PPP2R5C: variants seen among roughly 807,000 people sequenced by gnomAD.
PPP2R5C encodes the protein protein phosphatase 2 regulatory subunit B'gamma.
A neutral mutation model predicts 68.9 loss-of-function variants in PPP2R5C; 7 were observed. That is an observed-to-expected ratio of 0.10 (90% confidence interval 0.06 to 0.19). PPP2R5C has a LOEUF of 0.19. Among genes scored for constraint, PPP2R5C ranks in the 10% least tolerant of loss-of-function variants. The probability of loss-of-function intolerance (pLI) is 1.00; values close to 1 mark genes in which losing one functional copy is unlikely to be tolerated. For synonymous variants in PPP2R5C, 210 were observed against 222.2 expected (o/e 0.95, Z 0.49); for missense variants, 348 against 641.3 (o/e 0.54, Z 4.94).
chr14:101,919,981 A>AC (rs1566972784), intron 13 of PPP2R5C, among the ~76,000 whole-genome samples: 1 of 140,620 alleles, frequency 7.1e-6, no homozygotes, highest in East Asian at 2.1e-4. Flanking sequence ...AAAAAAAAAA[A>AC]AAAAAAAAAA....
intron 8 of PPP2R5C, among the ~76,000 whole-genome samples, chr14:101,900,473 G>A (rs551784942): frequency 3.3e-5 from 5 of 152,318 alleles, no homozygotes; most frequent in South Asian, 2.1e-4. Context: ...GAAGCCCCGC[G>A]GTGTTGCTGT....
chr14:101,797,475 C>T lies in PPP2R5C; in HGVS notation c.259+11292C>T. The T allele has an allele frequency of 2.9e-6, 1 of 344,626 alleles. No homozygotes were observed. The highest frequency in any genetic ancestry group is 5.8e-6 in the Non-Finnish European group (1 of 171,734). 21.3% of individuals were successfully genotyped at this position (344,626 alleles called of 1,614,324 possible). A position where few individuals can be genotyped will look rare whatever the true frequency, so the allele number is the denominator to read the frequency against. The stretch of plus-strand genomic sequence containing the variant: ...AAGGAATGAAAAGCCCTCCTGGCCC[C>T]TCTGCCCTCTTTCTCCACCCTCTCC... On this transcript the variant is annotated intron_variant, in intron 3 of 14. Coordinates refer to the PPP2R5C transcript ENST00000328724. The surrounding 1 kb of genome is among the most constrained non-coding windows in gnomAD (Gnocchi z 4.2).
intron 2 of PPP2R5C, among the ~76,000 whole-genome samples, chr14:101,771,051 C>T (rs1212226089): frequency 6.6e-6 from 1 of 152,330 alleles, no homozygotes; most frequent in East Asian, 1.9e-4. Context: ...TTGTTTTAAG[C>T]AGAGACTCTC....
intron 8 of PPP2R5C, among the ~76,000 whole-genome samples, chr14:101,897,149 G>T (rs1238519254): frequency 6.6e-6 from 1 of 152,088 alleles, no homozygotes; most frequent in Non-Finnish European, 1.5e-5. Context: ...AGATTTTGGG[G>T]ACCTCCCAAG....
At chr14:101,908,484 C>G (rs1291729996) in intron 10 of PPP2R5C, among the ~76,000 whole-genome samples, 1 of 152,164 alleles carries the variant, frequency 6.6e-6, no homozygotes, top group Admixed American at 6.5e-5. Context: ...AGTGATTCTC[C>G]CACCTCAGCC....
chr14:101,893,250 T>C, intron 7 of PPP2R5C, 142 bp downstream of exon 9: 1 of 568,202 alleles, frequency 1.8e-6, no homozygotes, highest in Non-Finnish European at 3.1e-6. Flanking sequence ...CTGGTGATAA[T>C]CGAAAGAATA....
chr14:101,847,548 G>A (rs1272659316), intron 1 of PPP2R5C, among the ~76,000 whole-genome samples: 1 of 151,936 alleles, frequency 6.6e-6, no homozygotes, highest in Non-Finnish European at 1.5e-5. Flanking sequence ...ATCAGATACT[G>A]TCTTTTAATG....
chr14:101,926,626 A>T (rs2141235555), exon 14 of PPP2R5C: 1 of 152,740 alleles, frequency 6.5e-6, no homozygotes, highest in Non-Finnish European at 1.5e-5. Context: ...AGTTTCTTTC[A>T]TCTCTGGCAT....
chr14:101,923,059 C>G (rs1022200669), intron 13 of PPP2R5C, among the ~76,000 whole-genome samples: 1 of 152,198 alleles, frequency 6.6e-6, no homozygotes, highest in African/African-American at 2.4e-5. Flanking sequence ...CTGTGGTCCG[C>G]TCCGCCCCTG....
intron 1 of PPP2R5C, chr14:101,823,990 C>T (rs1479900219): frequency 1.6e-6 from 2 of 1,289,028 alleles, no homozygotes; most frequent in Admixed American, 4.6e-5. Flanking sequence ...ATTAACTTAT[C>T]TGAGCCTTAC....
At chr14:101,907,962 G>A (rs1279513655) in intron 10 of PPP2R5C, among the ~76,000 whole-genome samples, 2 of 152,186 alleles carry the variant, frequency 1.3e-5, no homozygotes, top group Non-Finnish European at 2.9e-5. Context: ...TCTGAGGGTT[G>A]CCGCCCAGAA....
Position 101,906,497 on chromosome 14 carries a change from C to G in PPP2R5C, c.1119C>G (p.Ser373=). ...AGATTCTGCCCATCATGTTTCCTTCCTTGTACCGCAACTCAAAGACCCATT... is the reference window on the plus strand; with the variant it reads ...AGATTCTGCCCATCATGTTTCCTTCGTTGTACCGCAACTCAAAGACCCATT... Residue 373 remains serine, a synonymous_variant, in exon 10 of 14, where the codon TCC becomes TCG. Transcript: ENST00000334743. This position sits in a 1 kb window ranked among gnomAD's most constrained non-coding sequence, Gnocchi z 4.0. 6.2e-7 allele frequency: 1 copy of G among 1,613,264 alleles called. No homozygotes were observed. The highest frequency in any genetic ancestry group is 1.1e-5 in the South Asian group (1 of 90,812).
intron 2 of PPP2R5C, among the ~76,000 whole-genome samples, chr14:101,784,292 A>G (rs993875701): frequency 6.6e-6 from 1 of 152,206 alleles, no homozygotes; most frequent in African/African-American, 2.4e-5. Context: ...CCTTGGCCCT[A>G]AACTAGGTAG....
intron 1 of PPP2R5C, among the ~76,000 whole-genome samples, chr14:101,827,845 A>G: frequency 6.6e-6 from 1 of 152,202 alleles, no homozygotes. Context: ...AGCTAAATTT[A>G]TTCCATGTAC....
chr14:101,760,738 G>C, upstream of PPP2R5C: 1 of 873,470 alleles, frequency 1.1e-6, no homozygotes. Context: ...TGAGGGGAGG[G>C]GCTGGTCGAG....
chr14:101,761,861 G>GC, upstream of PPP2R5C: 1 of 1,100,384 alleles, frequency 9.1e-7, no homozygotes, highest in Non-Finnish European at 1.1e-6. Flanking sequence ...GCGGCGGCAG[G>GC]GGCGGCGGCG....
chr14:101,773,355 C>A (rs2037252831), intron 2 of PPP2R5C, among the ~76,000 whole-genome samples: 3 of 152,196 alleles, frequency 2.0e-5, no homozygotes, highest in Middle Eastern at 3.4e-3. Flanking sequence ...CTCTGGCAGC[C>A]CCTCTGCTGG....
intron 13 of PPP2R5C, among the ~76,000 whole-genome samples, chr14:101,919,016 C>A (rs1269274609): frequency 6.6e-6 from 1 of 152,144 alleles, no homozygotes; most frequent in African/African-American, 2.4e-5. Context: ...TGTTTTACTC[C>A]TTTACTGCAT....
Position 101,882,430 on chromosome 14 carries a change from A to G in PPP2R5C, c.405+159A>G, listed in dbSNP as rs993940543. On this transcript the variant is annotated intron_variant, in intron 3 of 13. Coordinates refer to ENST00000334743, the Ensembl canonical transcript of PPP2R5C. The surrounding 1 kb of genome is among the most constrained non-coding windows in gnomAD (Gnocchi z 4.9). ...TGTACAAGAAAAATATTTCAGCAGAATAAAGTTAATGTGTGTGTTTGACCA... is the reference window on the plus strand; with the variant it reads ...TGTACAAGAAAAATATTTCAGCAGAGTAAAGTTAATGTGTGTGTTTGACCA... The G allele has an allele frequency of 6.2e-5, 33 of 530,900 alleles. No individual in the cohort carries two copies. The highest frequency in any genetic ancestry group is 1.1e-4 in the Admixed American group (3 of 26,926). 32.9% of individuals were successfully genotyped at this position (530,900 alleles called of 1,614,324 possible).
Sources: allele counts gnomAD v4.1 joint callset (sites outside exome capture counted in the v4.1 genomes callset), GRCh38; gene constraint gnomAD v4.1.1; non-coding constraint Gnocchi (gnomAD v3.1); transcripts MANE v1.5; gene names NCBI Gene and HGNC (gene_info 2026-07-23, HGNC 2026-07-21).